MBOAT1: variants seen among roughly 807,000 people sequenced by gnomAD.
The protein encoded by MBOAT1 is membrane-bound glycerophospholipid O-acyltransferase 1.
MBOAT1 carries 67 observed loss-of-function variants against 64.4 expected under a neutral mutation model. The ratio of observed to expected loss-of-function variants is 1.04; its 90% CI spans 0.85 to 1.27. MBOAT1 has a LOEUF of 1.27. Among genes scored for constraint, MBOAT1 ranks in the 50% most tolerant of loss-of-function variants. The pLI is 0.00. For missense variants in MBOAT1, 563 were observed against 604.6 expected, an observed-to-expected ratio of 0.93 and a Z score of 0.72; for synonymous variants, 229 against 218.9, an observed-to-expected ratio of 1.05 and a Z score of -0.41.
At chr6:20,111,197 G>C (rs766083219) in intron 11 of MBOAT1, among the ~76,000 whole-genome samples, 12 of 152,184 alleles carry the variant, frequency 7.9e-5, no homozygotes, top group Admixed American at 3.9e-4. Context: ...TGCCTCTAGA[G>C]AGACCCTCAG....
intron 4 of MBOAT1, among the ~76,000 whole-genome samples, chr6:20,138,346 C>T (rs1761065131): frequency 6.6e-6 from 1 of 152,132 alleles, no homozygotes; most frequent in African/African-American, 2.4e-5. Context: ...TTTAAATATT[C>T]TGTAGTTTTG....
chr6:20,151,497 C>T (rs1023535327), intron 2 of MBOAT1, among the ~76,000 whole-genome samples: 2 of 152,196 alleles, frequency 1.3e-5, no homozygotes, highest in Non-Finnish European at 2.9e-5. Flanking sequence ...GTCAGGAATC[C>T]ATAAATGGAA....
chr6:20,162,026 C>CTGTGTG (rs1166535939), intron 1 of MBOAT1, among the ~76,000 whole-genome samples: 2 of 152,084 alleles, frequency 1.3e-5, no homozygotes, highest in African/African-American at 2.4e-5. Context: ...TGTGTCTTCC[C>CTGTGTG]TGTGTGTGTG....
Position 20,105,375 on chromosome 6 carries a change from A to G in MBOAT1, c.1362-2963T>C, listed in dbSNP as rs78109502. Among the ~76,000 whole-genome samples, 1,291 of 152,370 alleles carry G rather than the reference A, an allele frequency of 8.5e-3. 16 individuals are homozygous for G. The highest frequency in any genetic ancestry group is 0.029 in the African/African-American group (1,208 of 41,586). On this transcript the variant is annotated intron_variant, in intron 12 of 12. Coordinates refer to ENST00000324607, the MANE Select transcript of MBOAT1 (RefSeq NM_001080480.3). Reference sequence around the variant, plus strand: ...AAGACTAAACTAACATTTATTGATCATGTCAGGCACTGACCTAAGGACTCA... The same window carrying G: ...AAGACTAAACTAACATTTATTGATCGTGTCAGGCACTGACCTAAGGACTCA...
intron 12 of MBOAT1, among the ~76,000 whole-genome samples, chr6:20,108,561 TA>T (rs1214418857): frequency 3.3e-5 from 5 of 152,190 alleles, no homozygotes; most frequent in Admixed American, 2.6e-4. Context: ...TATTGAGTAG[TA>T]AAAAATTCTT....
chr6:20,111,897 A>C (rs1311584491), intron 11 of MBOAT1, among the ~76,000 whole-genome samples: 1 of 55,352 alleles, frequency 1.8e-5, no homozygotes, highest in Non-Finnish European at 4.0e-5. Flanking sequence ...TATATATTCC[A>C]GCACACCTGT....
At chr6:20,179,441 G>A (rs1581448852) in intron 1 of MBOAT1, among the ~76,000 whole-genome samples, 1 of 152,284 alleles carries the variant, frequency 6.6e-6, no homozygotes, top group East Asian at 1.9e-4. Context: ...GTTTGCCGAG[G>A]ATAATGGTTT....
intron 8 of MBOAT1, among the ~76,000 whole-genome samples, chr6:20,118,761 A>C (rs1371859006): frequency 1.3e-5 from 2 of 152,230 alleles, no homozygotes; most frequent in African/African-American, 4.8e-5. Flanking sequence ...CCTTGCATTT[A>C]GGGAACACCT....
intron 11 of MBOAT1, among the ~76,000 whole-genome samples, chr6:20,112,055 G>C (rs1760187137): frequency 6.6e-6 from 1 of 150,500 alleles, no homozygotes; most frequent in African/African-American, 2.5e-5. Context: ...ATAGCTATGT[G>C]GGGGCTCCTG....
chr6:20,191,817 A>G (rs1762810296), intron 1 of MBOAT1, among the ~76,000 whole-genome samples: 1 of 152,232 alleles, frequency 6.6e-6, no homozygotes, highest in African/African-American at 2.4e-5. Context: ...TAATAAAGCT[A>G]TATTATTATA....
At chr6:20,203,800 T>TA (rs59442669) in intron 1 of MBOAT1, among the ~76,000 whole-genome samples, 5,102 of 139,638 alleles carry the variant, frequency 0.037, 253 homozygotes, top group African/African-American at 0.11. Flanking sequence ...TGGGCCCGTT[T>TA]AAAAAAAAAA....
intron 8 of MBOAT1, among the ~76,000 whole-genome samples, chr6:20,122,879 C>T (rs1034450574): frequency 5.3e-5 from 8 of 152,086 alleles, no homozygotes; most frequent in African/African-American, 1.2e-4. Context: ...TCATCCAGGC[C>T]GGAGTTCAGT....
intron 1 of MBOAT1, among the ~76,000 whole-genome samples, chr6:20,177,366 T>G (rs898683798): frequency 1.3e-5 from 2 of 152,216 alleles, no homozygotes; most frequent in Non-Finnish European, 2.9e-5. Flanking sequence ...TGTTTTATTT[T>G]TATTTTTTGT....
Position 20,156,593 on chromosome 6 carries a change from C to T in MBOAT1, c.100-3824G>A, listed in dbSNP as rs1412878783. The stretch of plus-strand genomic sequence containing the variant: ...ACATCTTATAAGGTACAGGCTGAAC[C>T]AGACTGAGATACCACTTCACAGCTG... On this transcript the variant is annotated intron_variant, in intron 1 of 12. Transcript: ENST00000324607. Among the ~76,000 whole-genome samples the T allele has an allele frequency of 2.0e-5, 3 of 152,276 alleles. No individual in the cohort carries two copies. In the East Asian group the frequency reaches 5.8e-4, roughly 29 times the overall value.
At chr6:20,128,858 G>T in intron 5 of MBOAT1, 105 bp from the exon 6 acceptor site, 2 of 779,732 alleles carry the variant, frequency 2.6e-6, no homozygotes, top group Non-Finnish European at 4.0e-6. Context: ...ATCTTTGTTT[G>T]CTTCATAAAT....
intron 6 of MBOAT1, 58 bp from the exon 7 acceptor site, chr6:20,126,758 T>A: frequency 7.9e-7 from 1 of 1,273,052 alleles, no homozygotes; most frequent in Non-Finnish European, 1.1e-6. Flanking sequence ...TTCTTCAGAA[T>A]CTGTAAATAA....
At position 20,111,395 on chromosome 6, in the gene MBOAT1, G is replaced by A. The variant is rs544810549; in HGVS notation, c.1209+1481C>T. Reference sequence around the variant, plus strand: ...ATGAGATTTTACTGGGTCATTTCTAGGGCCCGAAGACACTTTATGACTGTT... The same window carrying A: ...ATGAGATTTTACTGGGTCATTTCTAAGGCCCGAAGACACTTTATGACTGTT... On this transcript the variant is annotated intron_variant, in intron 11 of 12. Transcript: ENST00000324607. Among the ~76,000 whole-genome samples the A allele has an allele frequency of 1.7e-3, 262 of 152,226 alleles. 7 individuals carry two copies. The South Asian group carries it at 0.052, about 30-fold the overall frequency.
intron 1 of MBOAT1, among the ~76,000 whole-genome samples, chr6:20,177,459 G>A (rs12195546): frequency 0.42 from 64,290 of 151,944 alleles, 14,316 homozygotes; most frequent in East Asian, 0.58. Flanking sequence ...CTCCCAAAAT[G>A]CTGGGGTTAC....
At chr6:20,133,252 G>A (rs892827527) in intron 4 of MBOAT1, among the ~76,000 whole-genome samples, 1 of 152,170 alleles carries the variant, frequency 6.6e-6, no homozygotes, top group African/African-American at 2.4e-5. Flanking sequence ...GATCTGGTGA[G>A]GCAAGTGTAG....
Sources: gnomAD v4.1 joint callset for allele counts (sites outside exome capture counted in the v4.1 genomes callset) on GRCh38, gnomAD v4.1.1 for gene constraint, MANE v1.5 for transcripts, NCBI Gene and HGNC (gene_info 2026-07-23, HGNC 2026-07-21) for gene names.